BICC1: variants seen among roughly 807,000 people sequenced by gnomAD.
BICC1 encodes BicC family RNA binding protein 1.
A neutral mutation model predicts 111.0 loss-of-function variants in BICC1; 43 were observed. The observed-to-expected ratio is 0.39, with a 90% CI of 0.30 to 0.50. The LOEUF (loss-of-function observed/expected upper bound fraction) is 0.50, where lower values mean the gene tolerates loss of function less well. BICC1 is among the 20% of genes least tolerant of loss of function. The pLI is 0.88. For missense variants in BICC1, 1,091 were observed against 1,203.2 expected (o/e 0.91, Z 1.38); for synonymous variants, 467 against 434.4 (o/e 1.07, Z -0.93).
At chr10:58,796,127 C>G (rs1047659505) in intron 9 of BICC1, among the ~76,000 whole-genome samples, 3 of 152,182 alleles carry the variant, frequency 2.0e-5, no homozygotes, top group Middle Eastern at 3.4e-3. Flanking sequence ...CAGAACATGC[C>G]CAATAAATGG....
chr10:58,700,018 A>C (rs1454793279), intron 2 of BICC1, among the ~76,000 whole-genome samples: 1 of 152,152 alleles, frequency 6.6e-6, no homozygotes, highest in African/African-American at 2.4e-5. Flanking sequence ...TCTCTTTGAG[A>C]GTCTTAAGTA....
intron 2 of BICC1, among the ~76,000 whole-genome samples, chr10:58,676,532 G>A (rs976881672): frequency 3.3e-5 from 5 of 152,210 alleles, no homozygotes; most frequent in Non-Finnish European, 7.3e-5. Flanking sequence ...ATCTCTGAAA[G>A]GCAACAGCCC....
chr10:58,575,333 C>T (rs530655916), intron 1 of BICC1, among the ~76,000 whole-genome samples: 159 of 152,108 alleles, frequency 1.0e-3, no homozygotes, highest in Non-Finnish European at 1.4e-3. Context: ...GATGACACTC[C>T]GCACACTGCT....
At chr10:58,777,948 G>A (rs1398716923) in intron 3 of BICC1, among the ~76,000 whole-genome samples, 1 of 152,066 alleles carries the variant, frequency 6.6e-6, no homozygotes. Flanking sequence ...GGCTGGGTGT[G>A]GTAGCTCATG....
chr10:58,763,045 G>T (rs907890607), intron 3 of BICC1, among the ~76,000 whole-genome samples: 4 of 137,608 alleles, frequency 2.9e-5, no homozygotes, highest in African/African-American at 1.0e-4. Context: ...TTTGTGAATG[G>T]GGGAAATATA....
chr10:58,699,024 A>G (rs1840150469), intron 2 of BICC1, among the ~76,000 whole-genome samples: 1 of 152,250 alleles, frequency 6.6e-6, no homozygotes, highest in Admixed American at 6.5e-5. Context: ...AAGAGTTGGC[A>G]TTAGCTGGCC....
At chr10:58,583,571 GTAT>G (rs1479846976) in intron 1 of BICC1, among the ~76,000 whole-genome samples, 2 of 139,826 alleles carry the variant, frequency 1.4e-5, no homozygotes, top group African/African-American at 5.4e-5. Context: ...TGGCTGAGTA[GTAT>G]TCTCTCTCTC....
intron 8 of BICC1, 113 bp from the exon 9 acceptor site, chr10:58,793,371 A>T: frequency 1.0e-6 from 1 of 989,498 alleles, no homozygotes. Flanking sequence ...TTAATACTTC[A>T]GTTTAGTCTT....
At chr10:58,635,940 T>A (rs1435284775) in intron 2 of BICC1, among the ~76,000 whole-genome samples, 1 of 152,246 alleles carries the variant, frequency 6.6e-6, no homozygotes. Context: ...CACTTCTTTA[T>A]ATGTTAAACT....
intron 3 of BICC1, among the ~76,000 whole-genome samples, chr10:58,706,515 G>A (rs1840391505): frequency 1.3e-5 from 2 of 152,120 alleles, no homozygotes; most frequent in South Asian, 4.2e-4. Context: ...AAGGTGAACG[G>A]TAAATGATAT....
At chr10:58,685,032 C>A (rs1839670515) in intron 2 of BICC1, among the ~76,000 whole-genome samples, 1 of 152,214 alleles carries the variant, frequency 6.6e-6, no homozygotes, top group Non-Finnish European at 1.5e-5. Context: ...CCTCTACACA[C>A]TGCTTTAAAT....
At chr10:58,703,478 T>C (rs1840299994) in intron 3 of BICC1, among the ~76,000 whole-genome samples, 2 of 152,142 alleles carry the variant, frequency 1.3e-5, no homozygotes. Flanking sequence ...CCTTCTTAAT[T>C]GTTATCATGG....
rs763147619 is a variant in BICC1, at chr10:58,803,065, C to A, written c.2016-12C>A. 3.2e-6 allele frequency: 5 copies of A among 1,578,774 alleles called. No homozygotes were observed. The highest frequency in any genetic ancestry group is 1.8e-5 in the Admixed American group (1 of 54,366). ...ATAGTGGAGTGTTAAATTCCACACT[C>A]TTATTTCACAGCAGCACTGACAGGT... is the stretch of plus-strand genomic sequence containing the variant. On this transcript the variant is annotated splice_polypyrimidine_tract_variant and intron_variant, in intron 14 of 20. Coordinates refer to ENST00000373886, the MANE Select transcript of BICC1 (RefSeq NM_001080512.3).
Position 58,788,428 on chromosome 10 carries a change from C to A in BICC1, c.600+5C>A. The A allele has an allele frequency of 6.3e-7, 1 of 1,596,746 alleles. No individual in the cohort carries two copies. The highest frequency in any genetic ancestry group is 1.3e-5 in the African/African-American group (1 of 74,616). On this transcript the variant is annotated splice_donor_5th_base_variant and intron_variant, in intron 6 of 20. Transcript: ENST00000373886. ...TCTGCCCGAGTTAGAATTCGGGTAA[C>A]TATTTATTACTTTAACATTGTAAAT...
intron 14 of BICC1, among the ~76,000 whole-genome samples, chr10:58,802,693 C>T (rs114983985): frequency 1.3e-5 from 2 of 152,176 alleles, no homozygotes; most frequent in Non-Finnish European, 2.9e-5. Context: ...TTGATATCTC[C>T]TTGATGTATA....
rs547613466 is a variant in BICC1, at chr10:58,808,327, C to A, written c.2376+1169C>A. 2.0e-5 allele frequency among the ~76,000 whole-genome samples: 3 copies of A among 152,238 alleles called. No individual in the cohort carries two copies. In the East Asian group the frequency reaches 5.8e-4, roughly 29 times the overall value. ...AACATCTCCTTTTGTTAACAGAGAC[C>A]ATAAAACTGCTGTGCTCATTCTTAG... On this transcript the variant is annotated intron_variant, in intron 17 of 20. Coordinates refer to ENST00000373886, the MANE Select transcript of BICC1 (RefSeq NM_001080512.3).
At chr10:58,729,819 C>T (rs907451335) in intron 3 of BICC1, among the ~76,000 whole-genome samples, 14 of 152,298 alleles carry the variant, frequency 9.2e-5, no homozygotes, top group Admixed American at 2.6e-4. Context: ...CCAAGGGGGA[C>T]GCTGTTAAAT....
At chr10:58,691,798 T>G (rs1839916147) in intron 2 of BICC1, among the ~76,000 whole-genome samples, 1 of 152,136 alleles carries the variant, frequency 6.6e-6, no homozygotes, top group African/African-American at 2.4e-5. Context: ...GCATTTTGGT[T>G]GGAGGGTTTT....
In BICC1 at chr10:58,772,674, G is replaced by A. The variant is rs376486848; in HGVS notation, c.308-12327G>A. 9.2e-5 allele frequency among the ~76,000 whole-genome samples: 14 copies of A among 152,206 alleles called. No individual in the cohort carries two copies. In the East Asian group the frequency reaches 2.1e-3, roughly 23 times the overall value. ...CACTCAGAAAAGTTTACCAATGCAC[G>A]TGTACATAGTCTTTGGATGCAGTTA... On this transcript the variant is annotated intron_variant, in intron 3 of 20. Coordinates refer to ENST00000373886, the MANE Select transcript of BICC1 (RefSeq NM_001080512.3).
Sources: allele counts gnomAD v4.1 joint callset (sites outside exome capture counted in the v4.1 genomes callset), GRCh38; gene constraint gnomAD v4.1.1; transcripts MANE v1.5; gene names NCBI Gene and HGNC (gene_info 2026-07-23, HGNC 2026-07-21).